Variants in PTPN4 observed in about 807,000 individuals in gnomAD.
The protein encoded by PTPN4 is tyrosine-protein phosphatase non-receptor type 4.
In PTPN4, 49 loss-of-function variants were observed where a neutral mutation model predicts 135.5. The ratio of observed to expected loss-of-function variants is 0.36; its 90% CI spans 0.29 to 0.46. The LOEUF (loss-of-function observed/expected upper bound fraction) is 0.46, where lower values mean the gene tolerates loss of function less well. Among genes scored for constraint, PTPN4 ranks in the 20% least tolerant of loss-of-function variants. The pLI is 1.00. For missense variants in PTPN4, 860 were observed against 1,101.0 expected (o/e 0.78, Z 3.10); for synonymous variants, 333 against 369.9 (o/e 0.90, Z 1.14).
At chr2:119,907,348 C>T (rs192796973) in intron 10 of PTPN4, among the ~76,000 whole-genome samples, 46 of 152,248 alleles carry the variant, frequency 3.0e-4, no homozygotes, top group Admixed American at 6.5e-4. Context: ...ACCTGTAATC[C>T]TAGCGTTTTT....
chr2:119,821,318 C>T (rs1487071848), intron 2 of PTPN4, among the ~76,000 whole-genome samples: 1 of 152,026 alleles, frequency 6.6e-6, no homozygotes, highest in South Asian at 2.1e-4. Flanking sequence ...GTTTCAATCT[C>T]TTGACCTCGT....
chr2:119,867,397 G>C (rs112951633), intron 3 of PTPN4, among the ~76,000 whole-genome samples: 2 of 152,206 alleles, frequency 1.3e-5, no homozygotes, highest in African/African-American at 4.8e-5. Flanking sequence ...AAGTCAACAG[G>C]ACTGGTTGGT....
intron 10 of PTPN4, among the ~76,000 whole-genome samples, chr2:119,909,331 C>T (rs1376160452): frequency 6.6e-6 from 1 of 152,140 alleles, no homozygotes; most frequent in Non-Finnish European, 1.5e-5. Flanking sequence ...AATGCTAGGT[C>T]CTAAATCTAC....
intron 2 of PTPN4, among the ~76,000 whole-genome samples, chr2:119,846,359 G>A (rs942910884): frequency 6.6e-5 from 10 of 152,254 alleles, no homozygotes; most frequent in Non-Finnish European, 4.4e-5. Context: ...TGTATCTTCT[G>A]ATGGAACGAC....
rs1267727427 is a variant in PTPN4, at chr2:119,980,169, T to G, written c.*3099T>G. 6.6e-6 allele frequency: 1 copy of G among 152,136 alleles called. No homozygotes were observed. Among genetic ancestry groups the G allele is most frequent in the African/African-American group, 2.4e-5 (1 of 41,464 alleles). 9.4% of individuals were successfully genotyped at this position (152,136 alleles called of 1,614,324 possible). On this transcript the variant is annotated 3_prime_UTR_variant, in exon 27 of 27. Coordinates refer to ENST00000263708, the MANE Select transcript of PTPN4 (RefSeq NM_002830.4). ...AAGGGAACATTTATTACATGAAATC[T>G]GACTTCAGTTGTGCAAAGGTATGTT... is the stretch of plus-strand genomic sequence containing the variant.
In PTPN4 at chr2:119,805,372, A is replaced by G. The variant is rs933027405; in HGVS notation, c.-17-4465A>G. On this transcript the variant is annotated intron_variant, in intron 1 of 26. Transcript: ENST00000263708. ...AGTTATGAAGTCCTTGCCCATGCCT[A>G]TGTCCTGAATGGTATTGCCTAGGTT... Among the ~76,000 whole-genome samples, 6 of 152,090 alleles carry G rather than the reference A, an allele frequency of 3.9e-5. No homozygotes were observed. In the East Asian group the frequency reaches 7.7e-4, roughly 19 times the overall value.
chr2:119,900,029 A>G (rs186812595), intron 9 of PTPN4, among the ~76,000 whole-genome samples: 3 of 152,274 alleles, frequency 2.0e-5, no homozygotes, highest in Admixed American at 2.0e-4. Context: ...AAGAAGCAAA[A>G]TGGTTTCAAG....
chr2:119,976,944 CT>C, intron 26 of PTPN4, 39 bp from the exon 27 acceptor site: 2 of 1,576,686 alleles, frequency 1.3e-6, no homozygotes, highest in Non-Finnish European at 1.7e-6. Context: ...GGTTTTCTGA[CT>C]TTTCTGATCA....
In PTPN4 at chr2:119,981,780, A is replaced by C. The variant is rs1219878510; in HGVS notation, c.*4710A>C. On this transcript the variant is annotated 3_prime_UTR_variant, in exon 27 of 27. Coordinates refer to ENST00000263708, the MANE Select transcript of PTPN4 (RefSeq NM_002830.4). Reference sequence around the variant, plus strand: ...AAACAGCAATCTCTGTTTCTGCCAGAAGTTAGATATTTTTTTATAGTCCTG... The same window carrying C: ...AAACAGCAATCTCTGTTTCTGCCAGCAGTTAGATATTTTTTTATAGTCCTG... 3 of 152,132 alleles carry C rather than the reference A, an allele frequency of 2.0e-5. No homozygotes were observed. Among genetic ancestry groups the C allele is most frequent in the Admixed American group, 2.0e-4 (3 of 15,254 alleles). The allele number at this position is 152,132 out of a possible 1,614,324, so 9.4% of individuals were successfully genotyped here.
At chr2:119,844,980 C>T (rs1350916058) in intron 2 of PTPN4, among the ~76,000 whole-genome samples, 1 of 150,402 alleles carries the variant, frequency 6.6e-6, no homozygotes, top group Non-Finnish European at 1.5e-5. Flanking sequence ...ACTGAGTGAA[C>T]GAGACTCCAT....
intron 1 of PTPN4, among the ~76,000 whole-genome samples, chr2:119,763,289 G>T (rs1333863267): frequency 6.6e-6 from 1 of 152,058 alleles, no homozygotes; most frequent in Admixed American, 6.5e-5. Context: ...AAATTACATC[G>T]TATAGACTAT....
chr2:119,820,306 G>C (rs560620142), intron 2 of PTPN4, among the ~76,000 whole-genome samples: 5 of 152,322 alleles, frequency 3.3e-5, no homozygotes, highest in Admixed American at 1.3e-4. Context: ...GATGTGATCT[G>C]TTCTTTGGGA....
chr2:119,892,071 C>T lies in PTPN4; in HGVS notation c.675+6189C>T, dbSNP rs3111723. Among the ~76,000 whole-genome samples, 744 of 152,258 alleles carry T rather than the reference C, an allele frequency of 4.9e-3. 4 individuals carry two copies. Among genetic ancestry groups the T allele is most frequent in the African/African-American group, 0.017 (708 of 41,560 alleles). ...TGAGTAAAGTAGATAAAACTGAACCCTCCCAAAGCTTGCATTCTGTGGGGC... is the reference window on the plus strand; with the variant it reads ...TGAGTAAAGTAGATAAAACTGAACCTTCCCAAAGCTTGCATTCTGTGGGGC... On this transcript the variant is annotated intron_variant, in intron 9 of 26. Coordinates refer to ENST00000263708, the MANE Select transcript of PTPN4 (RefSeq NM_002830.4).
intron 1 of PTPN4, among the ~76,000 whole-genome samples, chr2:119,802,719 G>A (rs1691398506): frequency 6.6e-6 from 1 of 152,090 alleles, no homozygotes; most frequent in Admixed American, 6.6e-5. Context: ...GATAAAATTG[G>A]CTACATGGAA....
chr2:119,799,714 C>T (rs187859015), intron 1 of PTPN4, among the ~76,000 whole-genome samples: 5 of 152,152 alleles, frequency 3.3e-5, no homozygotes, highest in Admixed American at 3.3e-4. Context: ...CAAAACATTT[C>T]CCCTGGAAAC....
At chr2:119,967,253 C>T (rs1052335736) in intron 25 of PTPN4, among the ~76,000 whole-genome samples, 18 of 152,290 alleles carry the variant, frequency 1.2e-4, no homozygotes, top group African/African-American at 4.1e-4. Context: ...CGAGACCAGC[C>T]TGACAAACAT....
chr2:119,923,705 A>AT (rs1178502500), intron 12 of PTPN4, among the ~76,000 whole-genome samples: 1 of 152,086 alleles, frequency 6.6e-6, no homozygotes, highest in Non-Finnish European at 1.5e-5. Flanking sequence ...ATAAAAAGTT[A>AT]TTTTTATATA....
At chr2:119,906,341 A>C (rs1421503097) in intron 10 of PTPN4, among the ~76,000 whole-genome samples, 1 of 152,178 alleles carries the variant, frequency 6.6e-6, no homozygotes, top group Admixed American at 6.5e-5. Flanking sequence ...AAAAAAAAGA[A>C]AAGACAGAAA....
At chr2:119,879,050 G>A (rs183375517) in intron 5 of PTPN4, among the ~76,000 whole-genome samples, 3,570 of 147,856 alleles carry the variant, frequency 0.024, 63 homozygotes, top group Non-Finnish European at 0.033. Flanking sequence ...CCGAGATCAC[G>A]CCACTGCACT....
Sources: gnomAD v4.1 joint callset for allele counts (sites outside exome capture counted in the v4.1 genomes callset) on GRCh38, gnomAD v4.1.1 for gene constraint, MANE v1.5 for transcripts, NCBI Gene and HGNC (gene_info 2026-07-23, HGNC 2026-07-21) for gene names.